Variants in DNAH5 observed in about 807,000 individuals in gnomAD.
The protein encoded by DNAH5 is axonemal beta dynein heavy chain 5.
A neutral mutation model predicts 518.2 loss-of-function variants in DNAH5; 372 were observed. The ratio of observed to expected loss-of-function variants is 0.72; its 90% CI spans 0.66 to 0.78. DNAH5 has a LOEUF of 0.78. DNAH5 is among the 30% of genes least tolerant of loss of function. The pLI, the probability that DNAH5 is intolerant of heterozygous loss-of-function variation, is 0.00. For missense variants in DNAH5, 5,523 were observed against 5,687.0 expected, an observed-to-expected ratio of 0.97 and a Z score of 0.93; for synonymous variants, 2,039 against 2,025.9, an observed-to-expected ratio of 1.01 and a Z score of -0.17.
At chr5:13,740,326 T>A (rs746236784) in intron 65 of DNAH5, among the ~76,000 whole-genome samples, 15 of 151,878 alleles carry the variant, frequency 9.9e-5, no homozygotes, top group Admixed American at 5.3e-4. Context: ...GTCAGAATGA[T>A]GCTACTAAAA....
intron 31 of DNAH5, among the ~76,000 whole-genome samples, chr5:13,845,900 G>C (rs1406061751): frequency 7.0e-6 from 1 of 142,472 alleles, no homozygotes; most frequent in Admixed American, 7.2e-5. Context: ...GCATGACCTT[G>C]GCTCACTGCG....
At chr5:13,761,806 T>C (rs1751824149) in intron 60 of DNAH5, among the ~76,000 whole-genome samples, 1 of 152,214 alleles carries the variant, frequency 6.6e-6, no homozygotes, top group Non-Finnish European at 1.5e-5. Flanking sequence ...AAATGACTCT[T>C]TGTCCCTTTA....
At chr5:13,883,156 T>G in intron 19 of DNAH5, 62 bp from the exon 20 acceptor site, 1 of 1,547,834 alleles carries the variant, frequency 6.5e-7, no homozygotes, top group South Asian at 1.1e-5. Context: ...TTTGCTTCCT[T>G]TGTAACCATA....
rs1561407131 is a variant in DNAH5 at position 13,842,433 on chromosome 5, A to AGAGAGAGAGAGAGAG, written c.5272-530_5272-529insCTCTCTCTCTCTCTC. On this transcript the variant is annotated intron_variant, in intron 32 of 78. Transcript: ENST00000265104. ...GAAAGAAAAGAAAAGAAAAGAAAGA[A>AGAGAGAGAGAGAGAG]AGAAAGAAAGAAAGAAAGAAAGAAA... is the stretch of plus-strand genomic sequence containing the variant. Among the ~76,000 whole-genome samples the AGAGAGAGAGAGAGAG allele has an allele frequency of 2.3e-4, 14 of 61,860 alleles. 1 individual carries two copies. The highest frequency in any genetic ancestry group is 8.4e-4 in the African/African-American group (13 of 15,406). 40.6% of individuals were successfully genotyped at this position (61,860 alleles called of 152,430 possible).
intron 1 of DNAH5, among the ~76,000 whole-genome samples, chr5:13,958,866 A>C (rs1444421825): frequency 6.6e-6 from 1 of 152,244 alleles, no homozygotes; most frequent in Non-Finnish European, 1.5e-5. Context: ...ACCTTAATGC[A>C]TTTTAAAGAG....
intron 55 of DNAH5, among the ~76,000 whole-genome samples, chr5:13,774,104 AT>A (rs1291480821): frequency 6.6e-6 from 1 of 152,072 alleles, no homozygotes; most frequent in African/African-American, 2.4e-5. Context: ...ATGCAACTGT[AT>A]TTGTGTTTTT....
At chr5:13,765,910 C>T (rs565251070) in intron 59 of DNAH5, 66 bp downstream of exon 59, 14 of 1,474,654 alleles carry the variant, frequency 9.5e-6, no homozygotes, top group Middle Eastern at 1.7e-4. Context: ...ACTTATTCTA[C>T]GAAAAGGACT....
At chr5:13,695,637 G>A (rs185068377) in intron 78 of DNAH5, among the ~76,000 whole-genome samples, 111 of 152,262 alleles carry the variant, frequency 7.3e-4, no homozygotes, top group African/African-American at 2.5e-3. Flanking sequence ...ATTACCCAGT[G>A]TCTCCAAGCC....
At chr5:13,824,110 T>C in intron 39 of DNAH5, 89 bp downstream of exon 39, 1 of 1,321,010 alleles carries the variant, frequency 7.6e-7, no homozygotes. Flanking sequence ...TAAATGAGCA[T>C]TTTAAATAAA....
chr5:13,872,475 G>A (rs4701996), intron 22 of DNAH5, among the ~76,000 whole-genome samples: 1 of 152,008 alleles, frequency 6.6e-6, no homozygotes, highest in Non-Finnish European at 1.5e-5. Context: ...AGAGACCCCA[G>A]ATACTTCTTA....
intron 11 of DNAH5, among the ~76,000 whole-genome samples, chr5:13,912,847 ACTC>A (rs1776176017): frequency 6.6e-6 from 1 of 151,854 alleles, no homozygotes; most frequent in Non-Finnish European, 1.5e-5. Context: ...TACATCAACT[ACTC>A]AAACTCAATC....
intron 16 of DNAH5, among the ~76,000 whole-genome samples, chr5:13,894,172 C>T (rs889443583): frequency 6.6e-6 from 1 of 152,180 alleles, no homozygotes; most frequent in Non-Finnish European, 1.5e-5. Flanking sequence ...TTGCAACATA[C>T]CCGTACACAT....
chr5:13,876,147 C>T (rs1455310679), intron 22 of DNAH5, among the ~76,000 whole-genome samples: 1 of 152,104 alleles, frequency 6.6e-6, no homozygotes. Flanking sequence ...GGGGAGTATG[C>T]TGAAAGAAAA....
rs190138671 is a variant in DNAH5, at chr5:13,767,820, C to T, written c.9897+1140G>A. ...TCTCCTATATGCTGTGGCAATAGAACAGTTATCTAACATCTGGAGGTATTT... is the reference window on the plus strand; with the variant it reads ...TCTCCTATATGCTGTGGCAATAGAATAGTTATCTAACATCTGGAGGTATTT... On this transcript the variant is annotated intron_variant, in intron 58 of 78. Coordinates refer to ENST00000265104, the MANE Select transcript of DNAH5 (RefSeq NM_001369.3). Among the ~76,000 whole-genome samples the T allele has an allele frequency of 5.9e-5, 9 of 152,246 alleles. No homozygotes were observed. In the East Asian group the frequency reaches 1.5e-3, roughly 26 times the overall value.
At chr5:13,765,139 T>C (rs754299201) in intron 59 of DNAH5, among the ~76,000 whole-genome samples, 17 of 152,236 alleles carry the variant, frequency 1.1e-4, no homozygotes, top group Non-Finnish European at 1.5e-4. Flanking sequence ...CAACATCATT[T>C]TGGCAGCTTA....
chr5:13,872,150 C>G lies in DNAH5; in HGVS notation c.3397-385G>C, dbSNP rs185003690. Among the ~76,000 whole-genome samples, 16 of 152,270 alleles carry G rather than the reference C, an allele frequency of 1.1e-4. No individual in the cohort carries two copies. The East Asian group carries it at 2.3e-3, about 22-fold the overall frequency. ...TCTGAGGTCATTCTCCTCTTTCCCC[C>G]CTCCCCTCAGATCTCCTCCAAGATT... On this transcript the variant is annotated intron_variant, in intron 22 of 78. Transcript: ENST00000265104.
At chr5:13,915,684 C>T (rs763711969) in intron 9 of DNAH5, among the ~76,000 whole-genome samples, 22 of 151,978 alleles carry the variant, frequency 1.4e-4, no homozygotes, top group Non-Finnish European at 2.6e-4. Flanking sequence ...ATTCAGAACA[C>T]GAGTCTTGAT....
intron 1 of DNAH5, among the ~76,000 whole-genome samples, chr5:13,993,445 T>C (rs2152076362): frequency 6.6e-6 from 1 of 152,266 alleles, no homozygotes; most frequent in East Asian, 1.9e-4. Context: ...GAGATTAATT[T>C]TACCAGCTAA....
rs375658702 is a variant in DNAH5 at position 13,862,655 on chromosome 5, G to A, written c.4689C>T (p.Gly1563=). 1.4e-4 allele frequency: 223 copies of A among 1,613,852 alleles called. No homozygotes were observed. Among genetic ancestry groups the A allele is most frequent in the Non-Finnish European group, 1.8e-4 (209 of 1,179,938 alleles). ...GGAGCTCTCCACGGGTTTTAAAGCT[G>A]CCGAAGGTGAATGTTTTATTGTCCC... The part of the protein sequence containing the change: ...NEWDNKTFTF[G]SFKTRGELLL... The change falls in exon 29 of 79, where the codon GGC becomes GGT. Residue 1563 remains glycine (G), a synonymous_variant. Coordinates refer to ENST00000265104, the MANE Select transcript of DNAH5 (RefSeq NM_001369.3).
Sources: allele counts gnomAD v4.1 joint callset (sites outside exome capture counted in the v4.1 genomes callset), GRCh38; gene constraint gnomAD v4.1.1; transcripts MANE v1.5; gene names NCBI Gene and HGNC (gene_info 2026-07-23, HGNC 2026-07-21).